The following DGKI variants were observed in gnomAD, a reference collection of about 807,000 sequenced individuals.
DGKI encodes diacylglycerol kinase iota, also known as DAG kinase iota.
In DGKI, 55 loss-of-function variants were observed where a neutral mutation model predicts 147.5. The observed-to-expected ratio is 0.37, with a 90% CI of 0.30 to 0.47. The LOEUF (loss-of-function observed/expected upper bound fraction) is 0.47. Ranked by LOEUF, DGKI falls within the 20% of genes least tolerant of loss-of-function variation. DGKI has a pLI of 1.00. For missense variants in DGKI, 1,007 were observed against 1,323.8 expected (o/e 0.76, Z 3.71); for synonymous variants, 469 against 477.1 (o/e 0.98, Z 0.22).
At chr7:137,507,563 T>C (rs1363390774) in intron 21 of DGKI, among the ~76,000 whole-genome samples, 2 of 152,218 alleles carry the variant, frequency 1.3e-5, no homozygotes, top group Non-Finnish European at 2.9e-5. Flanking sequence ...TCTTCATTAA[T>C]TTGGTAAATA....
At chr7:137,594,233 G>A (rs1450269170) in intron 12 of DGKI, among the ~76,000 whole-genome samples, 1 of 152,154 alleles carries the variant, frequency 6.6e-6, no homozygotes, top group African/African-American at 2.4e-5. Flanking sequence ...TTTTAATAGA[G>A]ATGGTGTTTC....
At chr7:137,784,848 A>G (rs144790284) in intron 1 of DGKI, among the ~76,000 whole-genome samples, 1 of 152,244 alleles carries the variant, frequency 6.6e-6, no homozygotes. Context: ...AGCACATGGA[A>G]ATTAAATAAC....
intron 28 of DGKI, 40 bp from the exon 29 acceptor site, chr7:137,412,247 C>G: frequency 6.3e-7 from 1 of 1,581,338 alleles, no homozygotes; most frequent in Non-Finnish European, 8.7e-7. Flanking sequence ...TAGTAGAAGA[C>G]CCTCTTATTA....
intron 2 of DGKI, among the ~76,000 whole-genome samples, chr7:137,683,774 A>G (rs1823322574): frequency 6.6e-6 from 1 of 152,212 alleles, no homozygotes; most frequent in Admixed American, 6.5e-5. Flanking sequence ...GCTGAGACTC[A>G]CAAGTCTGTA....
At chr7:137,572,067 A>T (rs1169544777) in intron 18 of DGKI, among the ~76,000 whole-genome samples, 1 of 152,218 alleles carries the variant, frequency 6.6e-6, no homozygotes, top group African/African-American at 2.4e-5. Flanking sequence ...ACAGATTTAC[A>T]TACAACTCTC....
rs1811152394 is a variant in DGKI, at chr7:137,385,327, A to C, written c.*5893T>G. 6.6e-6 allele frequency: 1 copy of C among 152,132 alleles called. No individual in the cohort carries two copies. The highest frequency in any genetic ancestry group is 2.4e-5 in the African/African-American group (1 of 41,454). 9.4% of individuals were successfully genotyped at this position (152,132 alleles called of 1,614,324 possible). A position where few individuals can be genotyped will look rare whatever the true frequency, so the allele number is the denominator to read the frequency against. ...CTCAGTTATAAAGCAAAGTTTAACA[A>C]ATCAAAAATCAAGATTTTCATGAGT... is the stretch of plus-strand genomic sequence containing the variant. On this transcript the variant is annotated 3_prime_UTR_variant, in exon 33 of 33. Transcript: ENST00000614521.
At chr7:137,689,761 G>A (rs1219206451) in intron 2 of DGKI, 133 bp downstream of exon 2, 2 of 506,710 alleles carry the variant, frequency 3.9e-6, no homozygotes, top group African/African-American at 2.0e-5. Context: ...TACAGCTAAG[G>A]TATCTGAGGA....
chr7:137,806,016 T>G (rs187891667), intron 1 of DGKI, among the ~76,000 whole-genome samples: 7 of 152,312 alleles, frequency 4.6e-5, no homozygotes, highest in African/African-American at 1.7e-4. Flanking sequence ...GGACAGGGTA[T>G]TTTATTTTCT....
chr7:137,803,511 T>C (rs927082911), intron 1 of DGKI, among the ~76,000 whole-genome samples: 5 of 152,328 alleles, frequency 3.3e-5, no homozygotes, highest in African/African-American at 1.2e-4. Context: ...AGCTGTATGA[T>C]ATTTTCTTTC....
intron 21 of DGKI, among the ~76,000 whole-genome samples, chr7:137,501,151 A>T (rs1021608707): frequency 4.6e-5 from 7 of 152,134 alleles, no homozygotes; most frequent in African/African-American, 1.4e-4. Context: ...TATTTCACTT[A>T]ACATCCTGTC....
chr7:137,678,471 C>T, intron 3 of DGKI, 86 bp downstream of exon 3: 1 of 1,328,188 alleles, frequency 7.5e-7, no homozygotes, highest in East Asian at 2.3e-5. Context: ...CTCGTTCAAA[C>T]CTCCCCTTGG....
chr7:137,827,441 C>T (rs983967468), intron 1 of DGKI, among the ~76,000 whole-genome samples: 2 of 152,220 alleles, frequency 1.3e-5, no homozygotes, highest in Admixed American at 6.5e-5. Context: ...ATACGTCATA[C>T]ATTTCTACCA....
intron 28 of DGKI, among the ~76,000 whole-genome samples, chr7:137,429,229 G>A (rs10257326): frequency 0.52 from 77,604 of 149,036 alleles, 21,345 homozygotes; most frequent in Non-Finnish European, 0.63. Flanking sequence ...AACAGAACAG[G>A]GCCCTCAGAA....
chr7:137,502,167 A>T lies in DGKI; in HGVS notation c.2249-14478T>A, dbSNP rs953773065. Among the ~76,000 whole-genome samples, 8 of 152,308 alleles carry T rather than the reference A, an allele frequency of 5.3e-5. No homozygotes were observed. In the East Asian group the frequency reaches 1.2e-3, roughly 22 times the overall value. On this transcript the variant is annotated intron_variant, in intron 21 of 32. Transcript: ENST00000614521. Reference sequence around the variant, plus strand: ...CAGGTATGTCTTTGACAGCAGTGTGAAAACGGACTAATACAGGGCCTAAGC... The same window carrying T: ...CAGGTATGTCTTTGACAGCAGTGTGTAAACGGACTAATACAGGGCCTAAGC...
intron 1 of DGKI, among the ~76,000 whole-genome samples, chr7:137,844,199 A>G (rs1798643490): frequency 6.6e-6 from 1 of 152,200 alleles, no homozygotes; most frequent in Non-Finnish European, 1.5e-5. Context: ...GCCATTCACC[A>G]TTACTCCAAA....
intron 1 of DGKI, among the ~76,000 whole-genome samples, chr7:137,831,943 C>G (rs1798231771): frequency 6.6e-6 from 1 of 152,228 alleles, no homozygotes; most frequent in Non-Finnish European, 1.5e-5. Flanking sequence ...CAACAGGCCC[C>G]ATGCAAGTCT....
At chr7:137,517,285 AAGAAAGAAAGAAAGAAAGAAAG>A (rs1816791492) in intron 21 of DGKI, among the ~76,000 whole-genome samples, 1 of 103,284 alleles carries the variant, frequency 9.7e-6, no homozygotes, top group Non-Finnish European at 2.0e-5. Flanking sequence ...AAGAAAAAGA[AAGAAAGAAAGAAAGAAAGAAAG>A]AAAGAAAGAA....
At chr7:137,832,276 T>C (rs1798241154) in intron 1 of DGKI, among the ~76,000 whole-genome samples, 1 of 152,210 alleles carries the variant, frequency 6.6e-6, no homozygotes, top group Non-Finnish European at 1.5e-5. Context: ...CACATTTCCC[T>C]TCTGCACTGC....
At chr7:137,726,311 T>C (rs1794714936) in intron 1 of DGKI, among the ~76,000 whole-genome samples, 1 of 152,202 alleles carries the variant, frequency 6.6e-6, no homozygotes. Flanking sequence ...CAGGCCAATC[T>C]GAGCCATGTC....
Sources: allele counts gnomAD v4.1 joint callset (sites outside exome capture counted in the v4.1 genomes callset), GRCh38; gene constraint gnomAD v4.1.1; transcripts MANE v1.5; gene names NCBI Gene and HGNC (gene_info 2026-07-23, HGNC 2026-07-21).